CSTL1: variants seen among roughly 807,000 people sequenced by gnomAD.
CSTL1 encodes the protein cystatin like 1, also known as cystatin-like 1.
CSTL1 carries 14 observed loss-of-function variants against 14.4 expected under a neutral mutation model. The ratio of observed to expected loss-of-function variants is 0.97; its 90% CI spans 0.64 to 1.52. The LOEUF (loss-of-function observed/expected upper bound fraction) is 1.52. CSTL1 is among the 40% of genes most tolerant of loss of function. The pLI is 0.00. For synonymous variants in CSTL1, 72 were observed against 67.5 expected, an observed-to-expected ratio of 1.07 and a Z score of -0.33; for missense variants, 170 against 168.7, an observed-to-expected ratio of 1.01 and a Z score of -0.04.
At chr20:23,449,660 T>A (rs1303273549), downstream of CSTL1, among the ~76,000 whole-genome samples, 1 of 152,170 alleles carries the variant, frequency 6.6e-6, no homozygotes, top group African/African-American at 2.4e-5. Context: ...AGTTGGGGGA[T>A]GCTTCCTCCC....
At chr20:23,443,219 C>T (rs1253317048) in intron 2 of CSTL1, among the ~76,000 whole-genome samples, 1 of 152,226 alleles carries the variant, frequency 6.6e-6, no homozygotes, top group African/African-American at 2.4e-5. Flanking sequence ...TTCTGTCACT[C>T]TCCTAACACT....
chr20:23,460,103 C>G, the CSTL1 span, among the ~76,000 whole-genome samples: 7 of 152,220 alleles, frequency 4.6e-5, no homozygotes, highest in Non-Finnish European at 8.8e-5. Context: ...CTGGCCTCCC[C>G]AAGTCCTTTA....
the CSTL1 span, among the ~76,000 whole-genome samples, chr20:23,454,092 AAC>A: frequency 4.6e-5 from 7 of 151,626 alleles, no homozygotes; most frequent in South Asian, 1.0e-3. Context: ...TACACACTGA[AAC>A]ACACACACAA....
the CSTL1 span, chr20:23,459,383 G>A: frequency 6.6e-6 from 1 of 152,150 alleles, no homozygotes; most frequent in African/African-American, 2.4e-5. Flanking sequence ...GTATAAAATA[G>A]TTCTCATTCA....
intron 2 of CSTL1, among the ~76,000 whole-genome samples, chr20:23,441,800 A>C (rs938216773): frequency 6.6e-6 from 1 of 152,228 alleles, no homozygotes; most frequent in African/African-American, 2.4e-5. Flanking sequence ...TTGGGGCAGC[A>C]ACAATGCTAC....
At chr20:23,441,515 T>C (rs879755224) in intron 2 of CSTL1, among the ~76,000 whole-genome samples, 1 of 152,188 alleles carries the variant, frequency 6.6e-6, no homozygotes, top group Non-Finnish European at 1.5e-5. Context: ...CATCCATGGA[T>C]TCTGAAGTCT....
At chr20:23,454,998 A>T in the CSTL1 span, among the ~76,000 whole-genome samples, 1 of 152,302 alleles carries the variant, frequency 6.6e-6, no homozygotes, top group East Asian at 1.9e-4. Flanking sequence ...TTGCTGACTC[A>T]GTTACAAAGA....
downstream of CSTL1, among the ~76,000 whole-genome samples, chr20:23,447,661 A>C (rs959406747): frequency 6.6e-6 from 1 of 152,054 alleles, no homozygotes; most frequent in Non-Finnish European, 1.5e-5. Flanking sequence ...GGGTTTCACC[A>C]TGTTGGCCAG....
At chr20:23,441,432 A>G (rs1986828384) in intron 2 of CSTL1, among the ~76,000 whole-genome samples, 1 of 152,222 alleles carries the variant, frequency 6.6e-6, no homozygotes. Flanking sequence ...CATTTCCTCA[A>G]GGTCAGATAA....
intron 2 of CSTL1, 124 bp downstream of exon 2, chr20:23,440,610 G>A (rs757021126): frequency 5.1e-6 from 4 of 783,326 alleles, no homozygotes; most frequent in Non-Finnish European, 9.3e-6. Context: ...CAAGGGGGAA[G>A]CATCTTCACT....
Position 23,443,932 on chromosome 20 carries a change from A to T in CSTL1, c.220-2A>T. ...ACTAACAGCACAACTGATTCTCGGC[A>T]GCTGACGACGGGAGTGGAGTATATA... On this transcript the variant is annotated splice_acceptor_variant, in intron 2 of 3. Transcript: ENST00000347397. LOFTEE classifies it high-confidence loss of function. The T allele has an allele frequency of 6.2e-7, 1 of 1,611,620 alleles. No homozygotes were observed. The highest frequency in any genetic ancestry group is 1.1e-5 in the South Asian group (1 of 91,020).
chr20:23,451,332 G>GC, the CSTL1 span, among the ~76,000 whole-genome samples: 1 of 152,092 alleles, frequency 6.6e-6, no homozygotes, highest in Non-Finnish European at 1.5e-5. Flanking sequence ...GCAAGTTTGT[G>GC]CCCCTCATCC....
the CSTL1 span, among the ~76,000 whole-genome samples, chr20:23,452,180 A>G: frequency 6.6e-6 from 1 of 152,326 alleles, no homozygotes; most frequent in East Asian, 1.9e-4. Flanking sequence ...GTGATTCTGG[A>G]TAGGGGTCTG....
the CSTL1 span, chr20:23,459,153 C>T: frequency 6.6e-6 from 1 of 152,276 alleles, no homozygotes; most frequent in Non-Finnish European, 1.5e-5. Flanking sequence ...CCCAGGCTAA[C>T]ACGGATGCCA....
chr20:23,441,417 TACA>T (rs1325407154), intron 2 of CSTL1, among the ~76,000 whole-genome samples: 1 of 152,232 alleles, frequency 6.6e-6, no homozygotes, highest in East Asian at 1.9e-4. Context: ...CTTTTATTGG[TACA>T]ACATTTCCTC....
intron 3 of CSTL1, among the ~76,000 whole-genome samples, chr20:23,444,258 C>G (rs1206359636): frequency 6.6e-6 from 1 of 152,200 alleles, no homozygotes; most frequent in Non-Finnish European, 1.5e-5. Context: ...TTGCCTGGAC[C>G]CTTCTCCAAC....
chr20:23,441,022 G>GT (rs1245041014), intron 2 of CSTL1: 1 of 176,548 alleles, frequency 5.7e-6, no homozygotes, highest in Non-Finnish European at 1.2e-5. Flanking sequence ...GCCTCCCAAA[G>GT]TGCCGGAGTT....
downstream of CSTL1, among the ~76,000 whole-genome samples, chr20:23,446,099 G>A (rs549442172): frequency 8.5e-5 from 13 of 152,284 alleles, no homozygotes; most frequent in Admixed American, 5.9e-4. Flanking sequence ...GAGGATAGCA[G>A]GGGTTCAATG....
downstream of CSTL1, among the ~76,000 whole-genome samples, chr20:23,446,948 C>CA (rs199851112): frequency 7.8e-3 from 1,182 of 152,152 alleles, 20 homozygotes; most frequent in African/African-American, 0.027. Context: ...AATTCCTGCG[C>CA]AAAAAACCCC....
Sources: gnomAD v4.1 joint callset for allele counts (sites outside exome capture counted in the v4.1 genomes callset) on GRCh38, gnomAD v4.1.1 for gene constraint, MANE v1.5 for transcripts, NCBI Gene and HGNC (gene_info 2026-07-23, HGNC 2026-07-21) for gene names.